The following CYRIB variants were observed in gnomAD, a reference collection of about 807,000 sequenced individuals.
The protein encoded by CYRIB is CYFIP related Rac1 interactor B.
In CYRIB, 8 loss-of-function variants were observed where a neutral mutation model predicts 44.2. The observed-to-expected ratio is 0.18, with a 90% CI of 0.11 to 0.33. The LOEUF (loss-of-function observed/expected upper bound fraction) is 0.33, where lower values mean the gene tolerates loss of function less well. Among genes scored for constraint, CYRIB ranks in the 10% least tolerant of loss-of-function variants. The pLI, the probability that CYRIB is intolerant of heterozygous loss-of-function variation, is 1.00. For missense variants in CYRIB, 185 were observed against 382.8 expected, an observed-to-expected ratio of 0.48 and a Z score of 4.31; for synonymous variants, 131 against 127.2, an observed-to-expected ratio of 1.03 and a Z score of -0.20.
At chr8:129,923,732 TATGTACTAA>T (rs2085368235) in intron 1 of CYRIB, among the ~76,000 whole-genome samples, 1 of 152,066 alleles carries the variant, frequency 6.6e-6, no homozygotes, top group Non-Finnish European at 1.5e-5. Flanking sequence ...GTACACCATT[TATGTACTAA>T]ACTCCCTACC....
chr8:129,841,915 C>A, exon 12 of CYRIB: 1 of 466,238 alleles, frequency 2.1e-6, no homozygotes, highest in South Asian at 4.0e-5. Flanking sequence ...AATTAGCTGC[C>A]TTAGATGGCC....
chr8:129,979,882 T>C (rs2096135953), intron 1 of CYRIB, among the ~76,000 whole-genome samples: 1 of 151,992 alleles, frequency 6.6e-6, no homozygotes, highest in African/African-American at 2.4e-5. Context: ...GATCACGCCA[T>C]TGCACTCCAA....
At position 129,971,321 on chromosome 8, in the gene CYRIB, G is replaced by A. The variant is rs542598745; in HGVS notation, c.-295-326C>T. ...TTGGCCAGGCTGGTCTTGAACTCCT[G>A]ACCTCAAGTGATCCACCAGCCTTGA... On this transcript the variant is annotated intron_variant, in intron 1 of 14. Coordinates refer to the CYRIB transcript ENST00000401979. Among the ~76,000 whole-genome samples, 3 of 152,240 alleles carry A rather than the reference G, an allele frequency of 2.0e-5. No homozygotes were observed. The South Asian group carries it at 6.2e-4, about 32-fold the overall frequency.
intron 1 of CYRIB, among the ~76,000 whole-genome samples, chr8:129,939,320 G>A (rs960660843): frequency 6.6e-6 from 1 of 151,932 alleles, no homozygotes; most frequent in Non-Finnish European, 1.5e-5. Context: ...ATCTGGGGTG[G>A]GAGGGGGCGG....
intron 1 of CYRIB, among the ~76,000 whole-genome samples, chr8:129,977,293 C>T (rs536807814): frequency 1.3e-5 from 2 of 152,122 alleles, no homozygotes; most frequent in Non-Finnish European, 1.5e-5. Flanking sequence ...GATTCACACT[C>T]GTTCACAGTA....
chr8:129,980,841 G>C (rs991944252), intron 1 of CYRIB, among the ~76,000 whole-genome samples: 1 of 151,886 alleles, frequency 6.6e-6, no homozygotes, highest in East Asian at 1.9e-4. Context: ...AAAATTAGCT[G>C]GTCGTGGTGG....
chr8:129,864,691 T>G (rs1587815464), intron 4 of CYRIB: 3 of 276,278 alleles, frequency 1.1e-5, no homozygotes, highest in Non-Finnish European at 2.1e-5. Flanking sequence ...TTCCTAAGGG[T>G]GCAATGTATG....
chr8:129,982,764 C>T (rs925679070), intron 1 of CYRIB, among the ~76,000 whole-genome samples: 2 of 152,206 alleles, frequency 1.3e-5, no homozygotes, highest in Non-Finnish European at 2.9e-5. Flanking sequence ...GCATGAGCAT[C>T]ATTTCCAGCA....
chr8:129,882,121 T>C (rs1015522426), intron 2 of CYRIB, among the ~76,000 whole-genome samples: 15 of 152,168 alleles, frequency 9.9e-5, no homozygotes, highest in Non-Finnish European at 1.5e-4. Flanking sequence ...GGTATCAAAA[T>C]TGGAACTACA....
intron 1 of CYRIB, among the ~76,000 whole-genome samples, chr8:129,911,512 T>C (rs534222966): frequency 2.0e-5 from 3 of 152,106 alleles, no homozygotes; most frequent in Non-Finnish European, 1.5e-5. Flanking sequence ...TTTAAAAAAA[T>C]AACCCACGGC....
chr8:129,874,842 G>A (rs1024154041), intron 3 of CYRIB, among the ~76,000 whole-genome samples: 1 of 152,090 alleles, frequency 6.6e-6, no homozygotes, highest in Non-Finnish European at 1.5e-5. Flanking sequence ...GTTAGAGTAG[G>A]TCCCAATATT....
intron 2 of CYRIB, among the ~76,000 whole-genome samples, chr8:129,963,003 G>C (rs1015890571): frequency 7.2e-5 from 11 of 152,134 alleles, no homozygotes; most frequent in African/African-American, 2.7e-4. Flanking sequence ...GCATTTGCCT[G>C]CCACAGCGAT....
intron 3 of CYRIB, among the ~76,000 whole-genome samples, chr8:129,872,855 A>C (rs2057828403): frequency 6.6e-6 from 1 of 151,996 alleles, no homozygotes; most frequent in Non-Finnish European, 1.5e-5. Context: ...GCTCCTTTTC[A>C]CCTCACCACA....
At chr8:129,937,704 C>G (rs1467351656) in intron 1 of CYRIB, among the ~76,000 whole-genome samples, 1 of 152,178 alleles carries the variant, frequency 6.6e-6, no homozygotes, top group Non-Finnish European at 1.5e-5. Flanking sequence ...ATCAACCAAC[C>G]ACTTTCTTGG....
chr8:129,845,014 T>G (rs1247617405), intron 11 of CYRIB, among the ~76,000 whole-genome samples: 1 of 152,146 alleles, frequency 6.6e-6, no homozygotes, highest in Non-Finnish European at 1.5e-5. Context: ...GGAAAGAAAA[T>G]GTACCAAACT....
chr8:129,972,233 G>T (rs1011324997), intron 1 of CYRIB, among the ~76,000 whole-genome samples: 10 of 152,172 alleles, frequency 6.6e-5, no homozygotes, highest in African/African-American at 2.2e-4. Flanking sequence ...TTCTTGCTAT[G>T]GCATGAGTGT....
chr8:129,986,070 A>G (rs882446), intron 1 of CYRIB, among the ~76,000 whole-genome samples: 75,328 of 152,028 alleles, frequency 0.5, 21,200 homozygotes, highest in African/African-American at 0.77. Context: ...AATTAGTGTC[A>G]GGGCACCAGT....
chr8:129,872,164 T>C (rs1176233642), intron 3 of CYRIB, among the ~76,000 whole-genome samples: 1 of 152,112 alleles, frequency 6.6e-6, no homozygotes, highest in Non-Finnish European at 1.5e-5. Flanking sequence ...AAGAATCCTG[T>C]GCAGAGGATT....
chr8:129,866,420 G>T (rs2053607285), intron 4 of CYRIB, among the ~76,000 whole-genome samples: 2 of 151,980 alleles, frequency 1.3e-5, no homozygotes, highest in South Asian at 4.1e-4. Context: ...GATTCAAAAG[G>T]CTTGGTTAAC....
Sources: gnomAD v4.1 joint callset for allele counts (sites outside exome capture counted in the v4.1 genomes callset) on GRCh38, gnomAD v4.1.1 for gene constraint, MANE v1.5 for transcripts, NCBI Gene and HGNC (gene_info 2026-07-23, HGNC 2026-07-21) for gene names.